The following ABCA2 variants were observed in gnomAD, a reference collection of about 807,000 sequenced individuals.
The protein encoded by ABCA2 is ATP binding cassette subfamily A member 2.
A neutral mutation model predicts 262.8 loss-of-function variants in ABCA2; 84 were observed. That is an observed-to-expected ratio of 0.32 (90% confidence interval 0.27 to 0.38). The LOEUF is 0.38. Among genes scored for constraint, ABCA2 ranks in the 10% least tolerant of loss-of-function variants. The probability of loss-of-function intolerance (pLI) is 1.00; values close to 1 mark genes in which losing one functional copy is unlikely to be tolerated. For synonymous variants in ABCA2, 1,696 were observed against 1,502.9 expected, an observed-to-expected ratio of 1.13 and a Z score of -2.97; for missense variants, 2,662 against 3,405.9, an observed-to-expected ratio of 0.78 and a Z score of 5.44.
At chr9:137,022,257 A>G (rs1351498977) in intron 6 of ABCA2, 94 bp downstream of exon 6, 69 of 1,437,530 alleles carry the variant, frequency 4.8e-5, no homozygotes, top group Admixed American at 1.5e-4. Context: ...TCTGGGCGTG[A>G]CTCAGGCTGA....
chr9:137,011,380 A>AC lies in ABCA2; in HGVS notation c.5799+26dup. 5 of 1,607,444 alleles carry AC rather than the reference A, an allele frequency of 3.1e-6. No homozygotes were observed. In the African/African-American group the frequency reaches 4.0e-5, roughly 13 times the overall value. On this transcript the variant is annotated intron_variant, in intron 37 of 48. Transcript: ENST00000341511. This position sits in a 1 kb window ranked among gnomAD's most constrained non-coding sequence, Gnocchi z 8.8. ...GGGCACAGCCTCCGCAGGGTCCGCCACCCCCACCATGTCGTCACCGCCCCA... is the reference window on the plus strand; with the variant it reads ...GGGCACAGCCTCCGCAGGGTCCGCCACCCCCCACCATGTCGTCACCGCCCCA...
At position 137,009,859 on chromosome 9, in the gene ABCA2, T is replaced by C. The variant is rs750977098; in HGVS notation, c.6540A>G (p.Ala2180=). Reference sequence around the variant, plus strand: ...CGCTGTAGGTGCCAGCCGGCTTGTCTGCGTACTTGGTCAGCTCCAGCTTCT... The same window carrying C: ...CGCTGTAGGTGCCAGCCGGCTTGTCCGCGTACTTGGTCAGCTCCAGCTTCT... ...ALEKLELTKY[A]DKPAGTYSGG... The change falls in exon 43 of 49, where the codon GCA becomes GCG. Residue 2180 remains alanine, a synonymous_variant. Transcript: ENST00000341511. 3 of 1,612,342 alleles carry C rather than the reference T, an allele frequency of 1.9e-6. No homozygotes were observed. Among genetic ancestry groups the C allele is most frequent in the South Asian group, 2.2e-5 (2 of 91,000 alleles).
At position 137,021,454 on chromosome 9, in the gene ABCA2, G is replaced by C. The variant is rs373960597; in HGVS notation, c.835C>G (p.Arg279Gly). 2.5e-6 allele frequency: 4 copies of C among 1,612,046 alleles called. No individual in the cohort carries two copies. The Admixed American group carries it at 6.7e-5, about 27-fold the overall frequency. ...CSGQAAARAR[R>G]FSGLSAELRN... ...AGCTCAGCAGACAGCCCAGAGAAGC[G>C]CCTGGCACGCGCAGCAGCCTGCCCA... The change falls in exon 8 of 49, where the codon CGC becomes GGC. Residue 279 changes from arginine to glycine, a missense_variant. Transcript: ENST00000341511. The surrounding 1 kb of genome is among the most constrained non-coding windows in gnomAD (Gnocchi z 6.0).
chr9:137,011,727 G>A lies in ABCA2; in HGVS notation c.5558C>T (p.Thr1853Ile). 2 of 1,552,666 alleles carry A rather than the reference G, an allele frequency of 1.3e-6. No individual in the cohort carries two copies. The highest frequency in any genetic ancestry group is 2.4e-5 in the East Asian group (1 of 41,056). Residue 1853 changes from threonine (T) to isoleucine (I), a missense_variant, in exon 36 of 49, where the codon ACC (threonine) becomes ATC (isoleucine). Around this residue, in one of 12 missense-constraint regions of ABCA2, gnomAD observed 602 missense variants for 897.4 expected, o/e 0.67. Coordinates refer to ENST00000341511, the MANE Select transcript of ABCA2 (RefSeq NM_001606.5). The surrounding 1 kb of genome is among the most constrained non-coding windows in gnomAD (Gnocchi z 8.8). Reference sequence around the variant, plus strand: ...CACAAACAGGATGATGACACAGCAGGTAGCGGGGACCAGGTAGTTGAGCTG... The same window carrying A: ...CACAAACAGGATGATGACACAGCAGATAGCGGGGACCAGGTAGTTGAGCTG... ...WDMLNYLVPA[T>I]CCVIILFVFD...
rs910380511 is a variant in ABCA2, at chr9:137,020,758, C to T, written c.1201G>A (p.Gly401Ser). ...AGCTGTACGAAGGCTGAGCACTGGC[C>T]CTGCAGCGTGTCCGGGGTGGCCAGT... ...AALATPDTLQ[G>S]QCSAFVQLWA... The change falls in exon 9 of 49, where the codon GGC becomes AGC. Residue 401 changes from glycine (G) to serine (S), a missense_variant. Around this residue, in one of 12 missense-constraint regions of ABCA2, gnomAD observed 403 missense variants for 375.9 expected, o/e 1.07. Transcript: ENST00000341511. 3 of 1,600,512 alleles carry T rather than the reference C, an allele frequency of 1.9e-6. No homozygotes were observed. The highest frequency in any genetic ancestry group is 2.5e-6 in the Non-Finnish European group (3 of 1,177,298).
Position 137,017,232 on chromosome 9 carries a change from C to A in ABCA2, c.2517G>T (p.Ala839=), listed in dbSNP as rs758921803. Reference sequence around the variant, plus strand: ...TCTCGAAGGCCGTGATCTTATCATGCGCCACCTCCTCTCGGATCGCCACGT... The same window carrying A: ...TCTCGAAGGCCGTGATCTTATCATGAGCCACCTCCTCTCGGATCGCCACGT... ...YMYVAIREEV[A]HDKITAFEKC... is the part of the protein sequence containing the mutation. Residue 839 remains alanine (A), a synonymous_variant, in exon 18 of 49, where the codon GCG becomes GCT. Coordinates refer to ENST00000341511, the MANE Select transcript of ABCA2 (RefSeq NM_001606.5). 15 of 1,612,508 alleles carry A rather than the reference C, an allele frequency of 9.3e-6. No individual in the cohort carries two copies. The highest frequency in any genetic ancestry group is 3.3e-4 in the Middle Eastern group (2 of 6,084).
chr9:137,022,365 C>A lies in ABCA2; in HGVS notation c.553G>T (p.Val185Leu). The change falls in exon 6 of 49, where the codon GTG becomes TTG. Residue 185 changes from valine to leucine, a missense_variant. Physicochemically the swap from Val to Leu is conservative, Grantham distance 32. This residue lies in a region of ABCA2 where 403 missense variants were observed against 375.9 expected (regional missense o/e 1.07). Coordinates refer to ENST00000341511, the MANE Select transcript of ABCA2 (RefSeq NM_001606.5). Reference sequence around the variant, plus strand: ...CCCTGCCTTACCTCGGGCGGGTCCACACGGGCGGCCAAGAGTGCTTGGGCC... The same window carrying A: ...CCCTGCCTTACCTCGGGCGGGTCCAAACGGGCGGCCAAGAGTGCTTGGGCC... ...STAQALLAAR[V>L]DPPEVYHLLF... 6.2e-7 allele frequency: 1 copy of A among 1,608,502 alleles called. No homozygotes were observed. The highest frequency in any genetic ancestry group is 8.5e-7 in the Non-Finnish European group (1 of 1,178,156).
chr9:137,024,047 G>A, intron 2 of ABCA2, 96 bp downstream of exon 2: 1 of 1,515,318 alleles, frequency 6.6e-7, no homozygotes, highest in Non-Finnish European at 8.9e-7. Context: ...AGGGACTCCG[G>A]GAGCAGGACA....
Position 137,007,731 on chromosome 9 carries a change from G to A in ABCA2, c.*198C>T, listed in dbSNP as rs1830882912. On this transcript the variant is annotated 3_prime_UTR_variant, in exon 49 of 49. Transcript: ENST00000341511. ...CGCAGCCCGGGCCGGGTCAGCCTTTGGCACAATTAGGGGCGGCAACCGCAG... is the reference window on the plus strand; with the variant it reads ...CGCAGCCCGGGCCGGGTCAGCCTTTAGCACAATTAGGGGCGGCAACCGCAG... 4.1e-6 allele frequency: 3 copies of A among 725,144 alleles called. No homozygotes were observed. The highest frequency in any genetic ancestry group is 2.4e-5 in the Admixed American group (1 of 41,510). 44.9% of individuals were successfully genotyped at this position (725,144 alleles called of 1,614,324 possible).
Position 137,013,214 on chromosome 9 carries a change from G to T in ABCA2, c.4655C>A (p.Ser1552Ter). ...GCTCAGGTTCAACGTGGGCCCCAGC[G>T]AGCCGTTGGCGGGAGACTTGAGCAC... ...TCVLKSPANG[S>*]LGPTLNLSSG... Residue 1552 changes from serine to a stop codon, truncating the protein, a stop_gained, in exon 30 of 49, where the codon TCG (serine) becomes TAG (stop). Transcript: ENST00000341511. LOFTEE classifies it high-confidence loss of function. The T allele has an allele frequency of 1.9e-6, 3 of 1,602,726 alleles. No homozygotes were observed. The highest frequency in any genetic ancestry group is 1.1e-5 in the South Asian group (1 of 89,998).
chr9:137,007,554 G>A lies in ABCA2; in HGVS notation c.*375C>T, dbSNP rs926764230. 6.6e-5 allele frequency: 22 copies of A among 335,404 alleles called. No individual in the cohort carries two copies. The highest frequency in any genetic ancestry group is 3.3e-4 in the African/African-American group (15 of 46,034). The allele number at this position is 335,404 out of a possible 1,614,324, so 20.8% of individuals were successfully genotyped here. ...CCCGCTCTCGGCATCAGCCTTCATC[G>A]TAAGAGAGAAAAGCTGGTTCCGAGG... On this transcript the variant is annotated 3_prime_UTR_variant, in exon 49 of 49. Transcript: ENST00000341511.
Position 137,009,829 on chromosome 9 carries a change from G to A in ABCA2, c.6570C>T (p.Gly2190=). ...ADKPAGTYSG[G]NKRKLSTAIA... is the part of the protein sequence containing the mutation. ...TGGCCGTGGAGAGCTTCCGCTTGTT[G>A]CCGCCGCTGTAGGTGCCAGCCGGCT... The change falls in exon 43 of 49, where the codon GGC becomes GGT. Residue 2190 remains glycine (G), a synonymous_variant. Coordinates refer to ENST00000341511, the MANE Select transcript of ABCA2 (RefSeq NM_001606.5). 6.2e-7 allele frequency: 1 copy of A among 1,612,462 alleles called. No homozygotes were observed. The highest frequency in any genetic ancestry group is 1.1e-5 in the South Asian group (1 of 91,038).
chr9:137,022,065 T>C lies in ABCA2; in HGVS notation c.568-64A>G, dbSNP rs1395520531. 10 of 296,860 alleles carry C rather than the reference T, an allele frequency of 3.4e-5. No individual in the cohort carries two copies. The Admixed American group carries it at 3.7e-4, about 11-fold the overall frequency. The allele number at this position is 296,860 out of a possible 1,614,324, so 18.4% of individuals were successfully genotyped here. On this transcript the variant is annotated intron_variant, in intron 6 of 48. Coordinates refer to ENST00000341511, the MANE Select transcript of ABCA2 (RefSeq NM_001606.5). Reference sequence around the variant, plus strand: ...GGGCGTGGCTCAGATGGTGGGGGCGTGGCTCCGATGGACGTGTGGGGGCGT... The same window carrying C: ...GGGCGTGGCTCAGATGGTGGGGGCGCGGCTCCGATGGACGTGTGGGGGCGT...
rs1300013952 is a variant in ABCA2 at position 137,023,839 on chromosome 9, G to A, written c.162C>T (p.Val54=). 1 of 810,098 alleles carries A rather than the reference G, an allele frequency of 1.2e-6. No homozygotes were observed. Among genetic ancestry groups the A allele is most frequent in the Non-Finnish European group, 2.2e-6 (1 of 457,222 alleles). The allele number at this position is 810,098 out of a possible 1,614,324, so 50.2% of individuals were successfully genotyped here. ...QKKPTISVKE[V]SFYTAAPLTS... is the part of the protein sequence containing the mutation. ...AGGAGGAGGTGGCCGCTCACTTACA[G>A]ACTGCATGCCAGCCGAGGACAAGAG... Residue 54 remains valine, a splice_region_variant and synonymous_variant, in exon 3 of 49, where the codon GTC becomes GTT. Transcript: ENST00000341511.
chr9:137,017,177 G>A lies in ABCA2; in HGVS notation c.2553+19C>T, dbSNP rs746695088. The A allele has an allele frequency of 2.2e-5, 36 of 1,611,684 alleles. No individual in the cohort carries two copies. Among genetic ancestry groups the A allele is most frequent in the South Asian group, 3.3e-5 (3 of 91,066 alleles). ...GGGTGGCCCGGCACCCCAGCCGCCC[G>A]CCTGCCCGCGACCCTCACCGCGATG... is the stretch of plus-strand genomic sequence containing the variant. On this transcript the variant is annotated intron_variant, in intron 18 of 48. Transcript: ENST00000341511.
At chr9:137,023,091 A>AGG (rs1400461532) in intron 3 of ABCA2, 39 bp from the exon 4 acceptor site, 3 of 1,462,374 alleles carry the variant, frequency 2.1e-6, no homozygotes, top group African/African-American at 2.8e-5. Context: ...CGGGGGTGAA[A>AGG]GGGGAGAGAG....
intron 18 of ABCA2, 31 bp downstream of exon 18, chr9:137,017,165 C>T (rs755553116): frequency 6.8e-6 from 11 of 1,611,500 alleles, no homozygotes; most frequent in Non-Finnish European, 9.3e-6. Flanking sequence ...TGGCCCGGCA[C>T]CCCAGCCGCC....
Position 137,021,431 on chromosome 9 carries a change from C to G in ABCA2, c.858G>C (p.Glu286Asp). Reference sequence around the variant, plus strand: ...TGGCCACGTCCAGCTGGTTCCGGAGCTCAGCAGACAGCCCAGAGAAGCGCC... The same window carrying G: ...TGGCCACGTCCAGCTGGTTCCGGAGGTCAGCAGACAGCCCAGAGAAGCGCC... ...RARRFSGLSA[E>D]LRNQLDVAKV... The change falls in exon 8 of 49, where the codon GAG becomes GAC. Residue 286 changes from glutamate (E) to aspartate (D), a missense_variant. This residue lies in a region of ABCA2 where 403 missense variants were observed against 375.9 expected (regional missense o/e 1.07). Transcript: ENST00000341511. This position sits in a 1 kb window ranked among gnomAD's most constrained non-coding sequence, Gnocchi z 6.0. The G allele has an allele frequency of 6.2e-7, 1 of 1,611,098 alleles. No homozygotes were observed. Among genetic ancestry groups the G allele is most frequent in the Non-Finnish European group, 8.5e-7 (1 of 1,179,848 alleles).
intron 39 of ABCA2, 88 bp downstream of exon 39, chr9:137,010,885 C>CAG: frequency 1.4e-6 from 1 of 714,988 alleles, no homozygotes; most frequent in Non-Finnish European, 2.3e-6. Flanking sequence ...TGCCCCATCC[C>CAG]TGCCCCCACC....
Sources: gnomAD v4.1 joint callset for allele counts on GRCh38, gnomAD v4.1.1 for gene constraint, gnomAD v4.1.1 regional missense constraint, Gnocchi (gnomAD v3.1) non-coding constraint, MANE v1.5 for transcripts, NCBI Gene and HGNC (gene_info 2026-07-23, HGNC 2026-07-21) for gene names.